The following SUCLG2 variants were observed in gnomAD, a reference collection of about 807,000 sequenced individuals.
SUCLG2 encodes the protein succinate--CoA ligase [GDP-forming] subunit beta, mitochondrial.
SUCLG2 carries 42 observed loss-of-function variants against 47.9 expected under a neutral mutation model. The ratio of observed to expected loss-of-function variants is 0.88; its 90% CI spans 0.69 to 1.14. The LOEUF (loss-of-function observed/expected upper bound fraction) is 1.14, where lower values mean the gene tolerates loss of function less well. Among genes scored for constraint, SUCLG2 ranks in the 50% most tolerant of loss-of-function variants. SUCLG2 has a pLI of 0.00. For missense variants in SUCLG2, 571 were observed against 525.9 expected (o/e 1.09, Z -0.84); for synonymous variants, 195 against 197.3 (o/e 0.99, Z 0.10).
chr3:67,537,821 G>A (rs1575762888), intron 2 of SUCLG2, among the ~76,000 whole-genome samples: 1 of 152,308 alleles, frequency 6.6e-6, no homozygotes, highest in African/African-American at 2.4e-5. Context: ...CTAAAGACCA[G>A]TGATGATAAG....
intron 9 of SUCLG2, among the ~76,000 whole-genome samples, chr3:67,414,642 A>C (rs1240557397): frequency 6.6e-6 from 1 of 151,562 alleles, no homozygotes; most frequent in Non-Finnish European, 1.5e-5. Flanking sequence ...CAAAAGCCAA[A>C]ATTCTGGATT....
intron 1 of SUCLG2, among the ~76,000 whole-genome samples, chr3:67,616,676 A>G: frequency 6.6e-6 from 1 of 152,224 alleles, no homozygotes; most frequent in African/African-American, 2.4e-5. Flanking sequence ...GTGTAGCCTT[A>G]AGTCTCTATT....
chr3:67,505,479 C>G (rs1671844413), intron 7 of SUCLG2, among the ~76,000 whole-genome samples: 1 of 152,120 alleles, frequency 6.6e-6, no homozygotes, highest in Non-Finnish European at 1.5e-5. Flanking sequence ...GAAAAAAGAG[C>G]TCTTGGACTG....
intron 2 of SUCLG2, among the ~76,000 whole-genome samples, chr3:67,590,469 T>A (rs1283839051): frequency 6.6e-6 from 1 of 152,172 alleles, no homozygotes; most frequent in African/African-American, 2.4e-5. Flanking sequence ...CCCTCATGAA[T>A]GGCTTGATGC....
At chr3:67,561,873 T>C (rs1707316973) in intron 2 of SUCLG2, among the ~76,000 whole-genome samples, 1 of 152,246 alleles carries the variant, frequency 6.6e-6, no homozygotes. Context: ...TGCAGAGTTC[T>C]TACAAATAAA....
At chr3:67,368,677 C>G (rs561563036) in intron 10 of SUCLG2, among the ~76,000 whole-genome samples, 2 of 152,224 alleles carry the variant, frequency 1.3e-5, no homozygotes, top group African/African-American at 4.8e-5. Flanking sequence ...ACAATCTTGG[C>G]TCACTGAAAC....
chr3:67,498,392 T>C (rs767674339), intron 7 of SUCLG2, 97 bp from the exon 8 acceptor site: 54 of 1,295,462 alleles, frequency 4.2e-5, no homozygotes, highest in South Asian at 5.8e-5. Flanking sequence ...GAAAGTTAAG[T>C]ACTGTCATTT....
chr3:67,443,285 G>A lies in SUCLG2; in HGVS notation c.1063-42434C>T, dbSNP rs563929698. Among the ~76,000 whole-genome samples the A allele has an allele frequency of 6.3e-4, 16 of 25,462 alleles. 5 individuals are homozygous for A. The highest frequency in any genetic ancestry group is 1.6e-3 in the Non-Finnish European group (15 of 9,600). The allele number at this position is 25,462 out of a possible 152,430, so 16.7% of individuals were successfully genotyped here. A position where few individuals can be genotyped will look rare whatever the true frequency, so the allele number is the denominator to read the frequency against. On this transcript the variant is annotated intron_variant, in intron 9 of 10. Transcript: ENST00000307227. ...TGAGGAACTAATGAAATTAGATCTC[G>A]GACCGCCGGGAGGATGGAGTTCAGC...
chr3:67,596,998 G>A (rs1559588952), intron 2 of SUCLG2, among the ~76,000 whole-genome samples: 1 of 152,192 alleles, frequency 6.6e-6, no homozygotes, highest in Non-Finnish European at 1.5e-5. Flanking sequence ...AGAACAAAAA[G>A]CCACTATGGA....
chr3:67,418,304 T>C (rs35119821), intron 9 of SUCLG2, among the ~76,000 whole-genome samples: 5,134 of 152,288 alleles, frequency 0.034, 111 homozygotes, highest in African/African-American at 0.058. Context: ...ACTATTTACC[T>C]GGCATATAAG....
In SUCLG2 at chr3:67,420,777, TA is replaced by T. The variant is rs1371680880; in HGVS notation, c.1063-19927del. On this transcript the variant is annotated intron_variant, in intron 9 of 10. Coordinates refer to ENST00000307227, the MANE Select transcript of SUCLG2 (RefSeq NM_003848.4). ...CACACAAAGACATACACCATATGCA[TA>T]CTGTGTATGTGTGTGAGTGTGTGTG... Among the ~76,000 whole-genome samples, 3 of 152,140 alleles carry T rather than the reference TA, an allele frequency of 2.0e-5. No homozygotes were observed. In the East Asian group the frequency reaches 5.8e-4, roughly 29 times the overall value.
chr3:67,547,324 C>A (rs1201982185), intron 2 of SUCLG2, among the ~76,000 whole-genome samples: 1 of 152,202 alleles, frequency 6.6e-6, no homozygotes, highest in Non-Finnish European at 1.5e-5. Context: ...TATAGGCCAC[C>A]CAGTCTCTGG....
chr3:67,632,894 T>C (rs926415948), intron 1 of SUCLG2, among the ~76,000 whole-genome samples: 1 of 152,214 alleles, frequency 6.6e-6, no homozygotes, highest in Non-Finnish European at 1.5e-5. Flanking sequence ...TAACACAAAG[T>C]ACACACTCAA....
intron 10 of SUCLG2, among the ~76,000 whole-genome samples, chr3:67,380,687 TAG>T (rs141848772): frequency 6.4e-4 from 54 of 84,192 alleles, no homozygotes; most frequent in Admixed American, 1.0e-3. Flanking sequence ...GAAAGGGGGG[TAG>T]AGAGAGAGAG....
chr3:67,491,457 T>C (rs909368797), intron 9 of SUCLG2, among the ~76,000 whole-genome samples: 3 of 148,444 alleles, frequency 2.0e-5, no homozygotes, highest in East Asian at 2.1e-4. Context: ...CTCCGCCTCC[T>C]GCGTTCAAGC....
At chr3:67,417,652 T>C (rs1703065881) in intron 9 of SUCLG2, among the ~76,000 whole-genome samples, 2 of 152,204 alleles carry the variant, frequency 1.3e-5, no homozygotes, top group Admixed American at 1.3e-4. Context: ...GAGATTTTAC[T>C]TTGTAAGAGT....
chr3:67,508,716 A>G, intron 7 of SUCLG2, 91 bp downstream of exon 7: 1 of 956,222 alleles, frequency 1.0e-6, no homozygotes, highest in Non-Finnish European at 1.5e-6. Flanking sequence ...AATTTATGCA[A>G]AGCTGCTGCT....
intron 8 of SUCLG2, among the ~76,000 whole-genome samples, chr3:67,496,442 T>C (rs1046767900): frequency 2.3e-4 from 11 of 47,834 alleles, no homozygotes; most frequent in Admixed American, 6.3e-4. Flanking sequence ...ATCTGTGGGA[T>C]TGAACCACAG....
At chr3:67,502,686 A>C (rs1353254265) in intron 7 of SUCLG2, among the ~76,000 whole-genome samples, 1 of 152,188 alleles carries the variant, frequency 6.6e-6, no homozygotes, top group Non-Finnish European at 1.5e-5. Flanking sequence ...TCTCTTCCTA[A>C]CAATAAAAAT....
Sources: gnomAD v4.1 joint callset for allele counts (sites outside exome capture counted in the v4.1 genomes callset) on GRCh38, gnomAD v4.1.1 for gene constraint, MANE v1.5 for transcripts, NCBI Gene and HGNC (gene_info 2026-07-23, HGNC 2026-07-21) for gene names.